ANAPC13: variants seen among roughly 807,000 people sequenced by gnomAD.
The protein encoded by ANAPC13 is anaphase promoting complex subunit 13.
ANAPC13 carries 9 observed loss-of-function variants against 9.6 expected under a neutral mutation model. The ratio of observed to expected loss-of-function variants is 0.94; its 90% CI spans 0.57 to 1.64. ANAPC13 has a LOEUF of 1.64. Among genes scored for constraint, ANAPC13 ranks in the 40% most tolerant of loss-of-function variants. The probability of loss-of-function intolerance (pLI) is 0.00; values close to 1 mark genes in which losing one functional copy is unlikely to be tolerated. For synonymous variants in ANAPC13, 30 were observed against 29.7 expected, an observed-to-expected ratio of 1.01 and a Z score of -0.03; for missense variants, 75 against 85.3, an observed-to-expected ratio of 0.88 and a Z score of 0.48.
intron 1 of ANAPC13, among the ~76,000 whole-genome samples, chr3:134,483,605 C>T (rs1208576573): frequency 6.6e-6 from 1 of 152,210 alleles, no homozygotes; most frequent in East Asian, 1.9e-4. Flanking sequence ...TTGACCATGG[C>T]TGATTCCCCA....
intron 1 of ANAPC13, among the ~76,000 whole-genome samples, chr3:134,483,892 C>A (rs1426042006): frequency 6.6e-6 from 1 of 152,154 alleles, no homozygotes; most frequent in Non-Finnish European, 1.5e-5. Context: ...AGAGCTCAGC[C>A]TGGGTGATAT....
At chr3:134,479,717 G>C (rs1191865012) in intron 2 of ANAPC13, among the ~76,000 whole-genome samples, 1 of 152,112 alleles carries the variant, frequency 6.6e-6, no homozygotes, top group Admixed American at 6.5e-5. Context: ...TAATAGATAA[G>C]ACCTCCCTCT....
intron 1 of ANAPC13, among the ~76,000 whole-genome samples, chr3:134,483,949 G>T (rs181025718): frequency 6.6e-6 from 1 of 152,194 alleles, no homozygotes; most frequent in Admixed American, 6.5e-5. Flanking sequence ...TTCAGACATC[G>T]TCTTGCCTTG....
chr3:134,486,005 C>CCCCCCCCCCCA, upstream of ANAPC13: 1 of 985,010 alleles, frequency 1.0e-6, no homozygotes, highest in African/African-American at 1.7e-5. Context: ...CCCCCCCCTC[C>CCCCCCCCCCCA]CCCGCATCAC....
intron 1 of ANAPC13, chr3:134,483,143 C>A: frequency 3.7e-6 from 2 of 540,008 alleles, no homozygotes; most frequent in South Asian, 2.5e-5. Context: ...CATAGCCCAG[C>A]TGACAGACCA....
chr3:134,482,684 T>C lies in ANAPC13; in HGVS notation c.99+122A>G. ...GATGCTCTCCAGAAGCTTCTAGAGT[T>C]AGAGAATTCCACAGCTTTGATTTCT... On this transcript the variant is annotated intron_variant, in intron 2 of 2. Coordinates refer to ENST00000354910, the MANE Select transcript of ANAPC13 (RefSeq NM_015391.4). 10 of 842,716 alleles carry C rather than the reference T, an allele frequency of 1.2e-5. No individual in the cohort carries two copies. The South Asian group carries it at 1.5e-4, about 12-fold the overall frequency. 52.2% of individuals were successfully genotyped at this position (842,716 alleles called of 1,614,324 possible). A position where few individuals can be genotyped will look rare whatever the true frequency, so the allele number is the denominator to read the frequency against.
rs1934658419 is a variant in ANAPC13 at position 134,478,380 on chromosome 3, G to A, written c.*210C>T. The A allele has an allele frequency of 1.5e-5, 9 of 600,170 alleles. No individual in the cohort carries two copies. In the South Asian group the frequency reaches 2.0e-4, roughly 13 times the overall value. 37.2% of individuals were successfully genotyped at this position (600,170 alleles called of 1,614,324 possible). A position where few individuals can be genotyped will look rare whatever the true frequency, so the allele number is the denominator to read the frequency against. ...TCAAATATAAGCTACTCAATGAAGAGTTTTAGGTTTAAAGAGCGAAATATT... is the reference window on the plus strand; with the variant it reads ...TCAAATATAAGCTACTCAATGAAGAATTTTAGGTTTAAAGAGCGAAATATT... On this transcript the variant is annotated 3_prime_UTR_variant, in exon 3 of 3. Transcript: ENST00000354910.
intron 2 of ANAPC13, among the ~76,000 whole-genome samples, chr3:134,481,834 C>G (rs558597338): frequency 9.8e-4 from 150 of 152,338 alleles, no homozygotes; most frequent in Middle Eastern, 3.4e-3. Flanking sequence ...ATGGGAATAA[C>G]AGCACCTCCC....
chr3:134,483,663 G>C (rs1430483885), intron 1 of ANAPC13, among the ~76,000 whole-genome samples: 1 of 152,156 alleles, frequency 6.6e-6, no homozygotes, highest in African/African-American at 2.4e-5. Context: ...TGGCTAGCTT[G>C]TAGGATACTT....
At chr3:134,478,823 A>G in intron 2 of ANAPC13, 108 bp from the exon 3 acceptor site, 1 of 1,244,786 alleles carries the variant, frequency 8.0e-7, no homozygotes, top group Non-Finnish European at 1.1e-6. Flanking sequence ...AGGCAACATA[A>G]TTGATATGTG....
At chr3:134,485,511 A>G (rs553875358) in intron 1 of ANAPC13, 1 of 152,314 alleles carries the variant, frequency 6.6e-6, no homozygotes, top group Non-Finnish European at 1.5e-5. Context: ...CATGGCACCA[A>G]CTGGGGAGTC....
intron 2 of ANAPC13, among the ~76,000 whole-genome samples, chr3:134,480,965 C>T (rs1465381056): frequency 6.6e-6 from 1 of 152,224 alleles, no homozygotes; most frequent in Non-Finnish European, 1.5e-5. Context: ...AGCAGCAGGG[C>T]CAAGCCAACT....
intron 1 of ANAPC13, among the ~76,000 whole-genome samples, chr3:134,484,409 C>A (rs894541854): frequency 2.3e-4 from 35 of 151,896 alleles, no homozygotes; most frequent in East Asian, 1.4e-3. Context: ...ACAAAAAAAA[C>A]CAAAAAGGCT....
chr3:134,485,702 G>C (rs577642649), intron 1 of ANAPC13: 1 of 152,390 alleles, frequency 6.6e-6, no homozygotes, highest in Non-Finnish European at 1.5e-5. Context: ...CATCCGCACC[G>C]TACGACAGGC....
At chr3:134,480,376 T>C (rs1934709163) in intron 2 of ANAPC13, among the ~76,000 whole-genome samples, 1 of 152,238 alleles carries the variant, frequency 6.6e-6, no homozygotes, top group Non-Finnish European at 1.5e-5. Context: ...ATGGCATATA[T>C]GCCTGGAAAA....
intron 1 of ANAPC13, among the ~76,000 whole-genome samples, chr3:134,483,714 T>C (rs1365387753): frequency 6.6e-6 from 1 of 152,208 alleles, no homozygotes; most frequent in Admixed American, 6.5e-5. Context: ...TGACTCATCA[T>C]AGGCATCATC....
chr3:134,483,667 G>A (rs1320921319), intron 1 of ANAPC13, among the ~76,000 whole-genome samples: 1 of 152,152 alleles, frequency 6.6e-6, no homozygotes, highest in Non-Finnish European at 1.5e-5. Flanking sequence ...TAGCTTGTAG[G>A]ATACTTCTGG....
chr3:134,483,736 C>T (rs1934793639), intron 1 of ANAPC13, among the ~76,000 whole-genome samples: 1 of 152,156 alleles, frequency 6.6e-6, no homozygotes, highest in Non-Finnish European at 1.5e-5. Flanking sequence ...TATGGGTGCT[C>T]CCTGCTACCA....
At chr3:134,480,196 TA>T (rs1934706053) in intron 2 of ANAPC13, among the ~76,000 whole-genome samples, 1 of 152,234 alleles carries the variant, frequency 6.6e-6, no homozygotes, top group South Asian at 2.1e-4. Context: ...AGTTCAGTCC[TA>T]ATAATTACTT....
Sources: allele counts gnomAD v4.1 joint callset (sites outside exome capture counted in the v4.1 genomes callset), GRCh38; gene constraint gnomAD v4.1.1; transcripts MANE v1.5; gene names NCBI Gene and HGNC (gene_info 2026-07-23, HGNC 2026-07-21).